NHEJ1: variants seen among roughly 807,000 people sequenced by gnomAD.
The protein encoded by NHEJ1 is non-homologous end-joining factor 1.
In NHEJ1, 22 loss-of-function variants were observed where a neutral mutation model predicts 39.4. The observed-to-expected ratio is 0.56, with a 90% CI of 0.40 to 0.80. NHEJ1 has a LOEUF of 0.80. NHEJ1 is among the 30% of genes least tolerant of loss of function. The probability of loss-of-function intolerance (pLI) is 0.00; values close to 1 mark genes in which losing one functional copy is unlikely to be tolerated. For missense variants in NHEJ1, 329 were observed against 357.1 expected, an observed-to-expected ratio of 0.92 and a Z score of 0.63; for synonymous variants, 154 against 135.6, an observed-to-expected ratio of 1.14 and a Z score of -0.94.
intron 5 of NHEJ1, among the ~76,000 whole-genome samples, chr2:219,132,275 A>G (rs1397415315): frequency 1.3e-5 from 2 of 152,154 alleles, no homozygotes; most frequent in South Asian, 2.1e-4. Context: ...ATTCTTCTTT[A>G]TATCTCAGTA....
intron 5 of NHEJ1, among the ~76,000 whole-genome samples, chr2:219,141,815 G>A (rs910227739): frequency 1.1e-4 from 16 of 152,080 alleles, no homozygotes; most frequent in African/African-American, 3.9e-4. Context: ...AGAGGATCAG[G>A]GACCTGATCC....
At chr2:219,123,365 T>C (rs1949488635) in intron 5 of NHEJ1, among the ~76,000 whole-genome samples, 1 of 152,212 alleles carries the variant, frequency 6.6e-6, no homozygotes, top group South Asian at 2.1e-4. Context: ...AAAGCTATTC[T>C]ACGACTGATG....
At chr2:219,088,807 C>CT (rs969838872) in intron 5 of NHEJ1, among the ~76,000 whole-genome samples, 1 of 151,892 alleles carries the variant, frequency 6.6e-6, no homozygotes. Flanking sequence ...TATACTTCAG[C>CT]TTTTTTTTGT....
At chr2:219,127,232 C>T (rs984953623) in intron 5 of NHEJ1, among the ~76,000 whole-genome samples, 10 of 152,080 alleles carry the variant, frequency 6.6e-5, no homozygotes, top group Admixed American at 5.2e-4. Flanking sequence ...AGAAAAGAAC[C>T]AGAGGTTCAG....
chr2:219,078,728 G>A (rs983184557), intron 5 of NHEJ1, among the ~76,000 whole-genome samples: 2 of 152,072 alleles, frequency 1.3e-5, no homozygotes, highest in African/African-American at 2.4e-5. Context: ...TGAGGCCCCC[G>A]GCCATTTTCC....
chr2:219,072,902 C>T lies in NHEJ1; in HGVS notation c.*3479G>A, dbSNP rs1463010823. On this transcript the variant is annotated 3_prime_UTR_variant, in exon 8 of 8. Coordinates refer to ENST00000356853, the MANE Select transcript of NHEJ1 (RefSeq NM_024782.3). ...ACGAAACCAGGAGGAGCAGCACAGC[C>T]TTTTCCATTCCCCACTCCTCCCGCC... Among the ~76,000 whole-genome samples, 2 of 152,180 alleles carry T rather than the reference C, an allele frequency of 1.3e-5. No individual in the cohort carries two copies. Among genetic ancestry groups the T allele is most frequent in the Non-Finnish European group, 2.9e-5 (2 of 68,036 alleles).
intron 5 of NHEJ1, among the ~76,000 whole-genome samples, chr2:219,104,345 C>A (rs1949294899): frequency 6.6e-6 from 1 of 152,160 alleles, no homozygotes; most frequent in South Asian, 2.1e-4. Flanking sequence ...TTGACAGCTG[C>A]AAATGTCTAG....
intron 5 of NHEJ1, among the ~76,000 whole-genome samples, chr2:219,102,086 T>G (rs1309772579): frequency 6.6e-6 from 1 of 152,238 alleles, no homozygotes; most frequent in Admixed American, 6.5e-5. Context: ...TTAGTCATAT[T>G]TCCATAATGA....
intron 3 of NHEJ1, among the ~76,000 whole-genome samples, chr2:219,151,729 A>G (rs7573647): frequency 0.5 from 76,626 of 151,988 alleles, 21,625 homozygotes; most frequent in Non-Finnish European, 0.64. Flanking sequence ...CACTTTGGGA[A>G]GCTGAGGTGG....
intron 1 of NHEJ1, among the ~76,000 whole-genome samples, chr2:219,159,560 TATGC>T (rs1323535816): frequency 1.2e-4 from 1 of 8,562 alleles, no homozygotes; most frequent in Admixed American, 1.3e-3. Context: ...TGCATATATA[TATGC>T]ATATATATAT....
At chr2:219,112,106 T>C (rs1275823815) in intron 5 of NHEJ1, among the ~76,000 whole-genome samples, 1 of 152,096 alleles carries the variant, frequency 6.6e-6, no homozygotes, top group Non-Finnish European at 1.5e-5. Context: ...CTAAAAAGAA[T>C]GAGAAATACA....
At chr2:219,107,014 G>A (rs1949320231) in intron 5 of NHEJ1, among the ~76,000 whole-genome samples, 1 of 152,106 alleles carries the variant, frequency 6.6e-6, no homozygotes, top group East Asian at 1.9e-4. Flanking sequence ...GGCTTCAATG[G>A]TGCCCACAAC....
At chr2:219,138,917 C>T (rs1949663396) in intron 5 of NHEJ1, among the ~76,000 whole-genome samples, 1 of 152,140 alleles carries the variant, frequency 6.6e-6, no homozygotes, top group East Asian at 1.9e-4. Flanking sequence ...CACAGCTCCC[C>T]TTAAGAGGTG....
chr2:219,122,422 T>C (rs1237912268), intron 5 of NHEJ1, among the ~76,000 whole-genome samples: 4 of 152,316 alleles, frequency 2.6e-5, no homozygotes, highest in Non-Finnish European at 5.9e-5. Context: ...GCAGGAATCA[T>C]GTTAGTTATC....
intron 6 of NHEJ1, 152 bp from the exon 7 acceptor site, chr2:219,077,516 T>A: frequency 1.4e-6 from 1 of 701,574 alleles, no homozygotes; most frequent in Non-Finnish European, 2.6e-6. Context: ...TCCAGCTGAC[T>A]TTCAGAAAGT....
At chr2:219,125,698 T>C (rs191294826) in intron 5 of NHEJ1, 6 of 152,422 alleles carry the variant, frequency 3.9e-5, no homozygotes, top group Admixed American at 3.9e-4. Context: ...TATGCTCTTC[T>C]CTGCCCAAAG....
intron 5 of NHEJ1, among the ~76,000 whole-genome samples, chr2:219,102,131 T>A (rs1323385187): frequency 6.6e-6 from 1 of 152,206 alleles, no homozygotes; most frequent in African/African-American, 2.4e-5. Flanking sequence ...TTCTGTATTA[T>A]AAACAATGTT....
chr2:219,106,084 C>T (rs1431886993), intron 5 of NHEJ1, among the ~76,000 whole-genome samples: 1 of 152,198 alleles, frequency 6.6e-6, no homozygotes, highest in African/African-American at 2.4e-5. Context: ...ACTAAACGTT[C>T]ATTCCATGAA....
intron 5 of NHEJ1, among the ~76,000 whole-genome samples, chr2:219,131,548 T>C (rs574424646): frequency 3.3e-5 from 5 of 152,348 alleles, no homozygotes; most frequent in South Asian, 2.1e-4. Context: ...ACATACATTG[T>C]GCAAGCTAGA....
Sources: gnomAD v4.1 joint callset for allele counts (sites outside exome capture counted in the v4.1 genomes callset) on GRCh38, gnomAD v4.1.1 for gene constraint, MANE v1.5 for transcripts, NCBI Gene and HGNC (gene_info 2026-07-23, HGNC 2026-07-21) for gene names.